The following GARS1 variants were observed in gnomAD, a reference collection of about 807,000 sequenced individuals.
GARS1 encodes glycyl-tRNA synthetase 1.
In GARS1, 46 loss-of-function variants were observed where a neutral mutation model predicts 86.4. The observed-to-expected ratio is 0.53, with a 90% CI of 0.42 to 0.68. GARS1 has a LOEUF of 0.68. Ranked by LOEUF, GARS1 falls within the 30% of genes least tolerant of loss-of-function variation. The pLI is 0.00. For synonymous variants in GARS1, 342 were observed against 329.8 expected, an observed-to-expected ratio of 1.04 and a Z score of -0.40; for missense variants, 797 against 915.6, an observed-to-expected ratio of 0.87 and a Z score of 1.67.
chr7:30,618,293 A>G (rs932978384), intron 10 of GARS1, among the ~76,000 whole-genome samples: 1 of 152,160 alleles, frequency 6.6e-6, no homozygotes, highest in African/African-American at 2.4e-5. Context: ...AGTCTCTGTC[A>G]CATAACTTTG....
chr7:30,610,401 A>G (rs369095562), intron 7 of GARS1, among the ~76,000 whole-genome samples: 1 of 152,190 alleles, frequency 6.6e-6, no homozygotes, highest in African/African-American at 2.4e-5. Context: ...TGTTTAACAG[A>G]CTTAGCCAGT....
At chr7:30,630,457 C>T (rs1783213083) in intron 14 of GARS1, among the ~76,000 whole-genome samples, 1 of 150,334 alleles carries the variant, frequency 6.7e-6, no homozygotes, top group Admixed American at 6.6e-5. Flanking sequence ...GCCTTCAGTT[C>T]CCATTTCCAA....
At chr7:30,596,294 C>G (rs1683382677) in intron 1 of GARS1, among the ~76,000 whole-genome samples, 1 of 152,246 alleles carries the variant, frequency 6.6e-6, no homozygotes, top group Non-Finnish European at 1.5e-5. Context: ...AATAGCCTTT[C>G]ATTTTGAAAT....
chr7:30,628,620 C>T lies in GARS1; in HGVS notation c.1760C>T (p.Thr587Met), dbSNP rs750292154. 2.4e-5 allele frequency: 38 copies of T among 1,612,376 alleles called. No individual in the cohort carries two copies. Among genetic ancestry groups the T allele is most frequent in the African/African-American group, 6.7e-5 (5 of 74,870 alleles). Residue 587 changes from threonine to methionine, a missense_variant, in exon 14 of 17, where the codon ACG becomes ATG. Thr to Met is a moderately conservative substitution (Grantham distance 81). This residue lies in a region of GARS1 where 598 missense variants were observed against 738.7 expected (regional missense o/e 0.81). Transcript: ENST00000389266. ...TTCGGCCTGGGTAGGATCATGTATA[C>T]GGTATTTGAACATACATTCCATGTA... ...PSFGLGRIMY[T>M]VFEHTFHVRE... is the part of the protein sequence containing the mutation.
rs367589841 is a variant in GARS1, at chr7:30,622,392, G to A, written c.1543G>A (p.Val515Met). 1.9e-5 allele frequency: 30 copies of A among 1,614,034 alleles called. No individual in the cohort carries two copies. In the African/African-American group the frequency reaches 4.0e-4, roughly 22 times the overall value. ...GGCATATAAGAAGGATGCAAAACTG[G>A]TGATGGAGTATCTTGCCATTTGTGA... Reference protein sequence around the residue: ...GKAYKKDAKLVMEYLAICDEC... With the variant: ...GKAYKKDAKLMMEYLAICDEC... The change falls in exon 12 of 17, where the codon GTG (valine) becomes ATG (methionine). Residue 515 changes from valine (V) to methionine (M), a missense_variant. Around this residue, in one of 2 missense-constraint regions of GARS1, gnomAD observed 598 missense variants for 738.7 expected, o/e 0.81. Coordinates refer to ENST00000389266, the MANE Select transcript of GARS1 (RefSeq NM_002047.4).
chr7:30,602,934 T>G, intron 4 of GARS1, 100 bp from the exon 5 acceptor site: 1 of 853,156 alleles, frequency 1.2e-6, no homozygotes. Context: ...CTTCCATCTT[T>G]GAGATGGATA....
chr7:30,594,908 A>G lies in GARS1; in HGVS notation c.-14A>G, dbSNP rs1404831052. 19 of 1,551,058 alleles carry G rather than the reference A, an allele frequency of 1.2e-5. No individual in the cohort carries two copies. Among genetic ancestry groups the G allele is most frequent in the Non-Finnish European group, 1.6e-5 (19 of 1,154,334 alleles). ...CGTCGCCACCCTCTCTGGACAGCCC[A>G]GGGCCGCAGGCTCATGCCCTCTCCG... On this transcript the variant is annotated 5_prime_UTR_variant, in exon 1 of 17. Transcript: ENST00000389266.
chr7:30,603,416 TTTAA>T, intron 5 of GARS1, 76 bp from the exon 6 acceptor site: 1 of 1,164,828 alleles, frequency 8.6e-7, no homozygotes, highest in Admixed American at 1.8e-5. Context: ...GGATTTACTT[TTTAA>T]TTGTCTAGCA....
intron 14 of GARS1, among the ~76,000 whole-genome samples, chr7:30,629,795 C>G (rs951341813): frequency 6.6e-6 from 1 of 152,206 alleles, no homozygotes; most frequent in African/African-American, 2.4e-5. Context: ...GCCCCAGGTG[C>G]GCAAACATAA....
intron 1 of GARS1, among the ~76,000 whole-genome samples, chr7:30,597,627 A>C (rs1198678436): frequency 6.6e-6 from 1 of 152,238 alleles, no homozygotes; most frequent in African/African-American, 2.4e-5. Context: ...AGTGAGACTT[A>C]GGGGAAATGA....
At chr7:30,623,896 C>T (rs1212625069) in intron 12 of GARS1, among the ~76,000 whole-genome samples, 3 of 152,088 alleles carry the variant, frequency 2.0e-5, no homozygotes, top group South Asian at 2.1e-4. Context: ...AAAAACTGCG[C>T]GGATCACAAT....
At chr7:30,600,097 A>G in intron 3 of GARS1, 48 bp downstream of exon 3, 2 of 1,288,452 alleles carry the variant, frequency 1.6e-6, no homozygotes, top group Non-Finnish European at 2.3e-6. Context: ...AGTGGCTCTA[A>G]TATTATACTT....
In GARS1 at chr7:30,602,958, G is replaced by A. The variant is rs1327369030; in HGVS notation, c.570-76G>A. On this transcript the variant is annotated intron_variant, in intron 4 of 16. Transcript: ENST00000389266. ...TTGAGATGGATATAAATATTGATGG[G>A]GAATTATCTTATAAGGTAATATCTA... The A allele has an allele frequency of 4.1e-6, 4 of 977,232 alleles. No homozygotes were observed. In the East Asian group the frequency reaches 9.6e-5, roughly 23 times the overall value. 60.5% of individuals were successfully genotyped at this position (977,232 alleles called of 1,614,324 possible).
At chr7:30,617,042 A>G (rs1584039176) in intron 9 of GARS1, 72 bp from the exon 10 acceptor site, 17 of 1,489,402 alleles carry the variant, frequency 1.1e-5, no homozygotes, top group East Asian at 2.3e-5. Flanking sequence ...ATGGAAACCG[A>G]TATCTTGGCT....
At chr7:30,611,584 A>C (rs182177255) in intron 7 of GARS1, among the ~76,000 whole-genome samples, 2 of 152,280 alleles carry the variant, frequency 1.3e-5, no homozygotes, top group Non-Finnish European at 2.9e-5. Flanking sequence ...TCCCAGGTTC[A>C]AGCGATTCTC....
intron 10 of GARS1, among the ~76,000 whole-genome samples, chr7:30,617,983 A>G (rs1021089589): frequency 6.6e-5 from 10 of 152,234 alleles, no homozygotes; most frequent in Admixed American, 5.9e-4. Flanking sequence ...TTCCTCGCCT[A>G]CATAGAAAGA....
chr7:30,620,954 G>A (rs1782991646), intron 10 of GARS1, among the ~76,000 whole-genome samples: 1 of 151,954 alleles, frequency 6.6e-6, no homozygotes, highest in African/African-American at 2.4e-5. Flanking sequence ...TTAAATTCCA[G>A]AATATGTTAG....
intron 6 of GARS1, among the ~76,000 whole-genome samples, chr7:30,608,296 T>A (rs535329955): frequency 3.9e-5 from 6 of 152,236 alleles, no homozygotes; most frequent in Non-Finnish European, 8.8e-5. Flanking sequence ...ATTGGCAGAA[T>A]CTTTTTCCTC....
Position 30,612,232 on chromosome 7 carries a change from C to T in GARS1, c.1018C>T (p.Leu340=). ...FRNEISPRSG[L]IRVREFTMAE... is the part of the protein sequence containing the mutation. ...AAATGAGATCTCCCCTCGATCTGGACTGATCAGAGTCAGGTACTGCTCAGG... is the reference window on the plus strand; with the variant it reads ...AAATGAGATCTCCCCTCGATCTGGATTGATCAGAGTCAGGTACTGCTCAGG... Residue 340 remains leucine, a synonymous_variant, in exon 8 of 17, where the codon CTG becomes TTG. Transcript: ENST00000389266. The T allele has an allele frequency of 3.1e-6, 5 of 1,614,084 alleles. No homozygotes were observed. The highest frequency in any genetic ancestry group is 4.2e-6 in the Non-Finnish European group (5 of 1,179,978).
Sources: allele counts gnomAD v4.1 joint callset (sites outside exome capture counted in the v4.1 genomes callset), GRCh38; gene constraint gnomAD v4.1.1; regional missense constraint gnomAD v4.1.1; transcripts MANE v1.5; gene names NCBI Gene and HGNC (gene_info 2026-07-23, HGNC 2026-07-21).